Variants in OPCML observed in about 807,000 individuals in gnomAD.
OPCML encodes the protein opioid binding protein/cell adhesion molecule like, also known as opioid-binding protein/cell adhesion molecule.
In OPCML, 13 loss-of-function variants were observed where a neutral mutation model predicts 37.8. The observed-to-expected ratio is 0.34, with a 90% CI of 0.22 to 0.55. The LOEUF is 0.55. OPCML is among the 20% of genes least tolerant of loss of function. The probability of loss-of-function intolerance (pLI) is 0.91; values close to 1 mark genes in which losing one functional copy is unlikely to be tolerated. For synonymous variants in OPCML, 176 were observed against 168.8 expected (o/e 1.04, Z -0.33); for missense variants, 341 against 435.6 (o/e 0.78, Z 1.93).
intron 2 of OPCML, among the ~76,000 whole-genome samples, chr11:132,749,285 T>C (rs1349985475): frequency 6.6e-6 from 1 of 152,232 alleles, no homozygotes; most frequent in African/African-American, 2.4e-5. Context: ...CTATGGCACT[T>C]TCTTACAGTA....
At chr11:132,558,008 CACGGT>C (rs78344958) in intron 3 of OPCML, among the ~76,000 whole-genome samples, 19,548 of 152,008 alleles carry the variant, frequency 0.13, 1,763 homozygotes, top group East Asian at 0.44. Flanking sequence ...CACATACACA[CACGGT>C]GTTACTTAGT....
intron 1 of OPCML, among the ~76,000 whole-genome samples, chr11:133,127,632 CAA>C (rs879535484): frequency 1.0e-4 from 11 of 107,546 alleles, no homozygotes; most frequent in East Asian, 2.6e-4. Context: ...GGCTCTGTCT[CAA>C]AAAAAAAAAA....
chr11:133,530,155 G>A (rs1315152043), intron 1 of OPCML, among the ~76,000 whole-genome samples: 1 of 152,178 alleles, frequency 6.6e-6, no homozygotes, highest in Non-Finnish European at 1.5e-5. Context: ...GGTCAGGCAG[G>A]GGTGCAGGTT....
chr11:133,333,279 A>C (rs1421756921), intron 1 of OPCML, among the ~76,000 whole-genome samples: 1 of 152,046 alleles, frequency 6.6e-6, no homozygotes, highest in Non-Finnish European at 1.5e-5. Flanking sequence ...GGCTGGTCTC[A>C]AACTCCTAAC....
intron 2 of OPCML, among the ~76,000 whole-genome samples, chr11:132,675,523 A>G (rs1942665247): frequency 6.6e-6 from 1 of 152,102 alleles, no homozygotes; most frequent in African/African-American, 2.4e-5. Flanking sequence ...AATATCTTAC[A>G]TATAGAAAAT....
intron 1 of OPCML, among the ~76,000 whole-genome samples, chr11:133,136,486 C>T (rs1949692540): frequency 6.6e-6 from 1 of 152,102 alleles, no homozygotes; most frequent in African/African-American, 2.4e-5. Flanking sequence ...TGTAGCACAC[C>T]AGGAGCAGAA....
At chr11:133,202,110 C>T (rs1433065980) in intron 1 of OPCML, among the ~76,000 whole-genome samples, 1 of 152,128 alleles carries the variant, frequency 6.6e-6, no homozygotes, top group East Asian at 1.9e-4. Flanking sequence ...AAGAAATAGA[C>T]AAAGATCCGG....
intron 2 of OPCML, among the ~76,000 whole-genome samples, chr11:132,665,459 A>G (rs751922862): frequency 2.0e-5 from 3 of 152,204 alleles, no homozygotes; most frequent in Non-Finnish European, 4.4e-5. Context: ...AGAACAGAGT[A>G]TCTGATGCCG....
intron 3 of OPCML, among the ~76,000 whole-genome samples, chr11:132,535,967 T>A (rs1263728187): frequency 2.0e-5 from 3 of 152,144 alleles, no homozygotes; most frequent in East Asian, 3.9e-4. Context: ...AATTTTTTTT[T>A]AATTGCAGAT....
intron 1 of OPCML, among the ~76,000 whole-genome samples, chr11:133,284,320 A>G (rs1942240506): frequency 6.6e-6 from 1 of 152,152 alleles, no homozygotes; most frequent in Non-Finnish European, 1.5e-5. Context: ...GCTCTTACAC[A>G]CAACTCTGTG....
chr11:133,133,874 A>C (rs1208989980), intron 1 of OPCML, among the ~76,000 whole-genome samples: 1 of 152,156 alleles, frequency 6.6e-6, no homozygotes, highest in Non-Finnish European at 1.5e-5. Context: ...GGTTGCAATG[A>C]CTTTACACAT....
At chr11:132,495,253 A>G (rs527625969) in intron 4 of OPCML, among the ~76,000 whole-genome samples, 5 of 152,326 alleles carry the variant, frequency 3.3e-5, no homozygotes, top group Middle Eastern at 3.4e-3. Flanking sequence ...AATAAGAGTG[A>G]CAAGGGCAAT....
chr11:132,920,825 G>A (rs769204367), intron 2 of OPCML, among the ~76,000 whole-genome samples: 7 of 152,172 alleles, frequency 4.6e-5, no homozygotes, highest in African/African-American at 7.2e-5. Flanking sequence ...TTCTGGGCCC[G>A]TGCTGTCATG....
intron 2 of OPCML, among the ~76,000 whole-genome samples, chr11:132,799,987 A>G (rs1183310434): frequency 6.6e-6 from 1 of 152,222 alleles, no homozygotes; most frequent in East Asian, 1.9e-4. Flanking sequence ...TTCAATAAGA[A>G]CTTATTAAAT....
At chr11:133,524,918 A>G (rs1395298026) in intron 1 of OPCML, among the ~76,000 whole-genome samples, 1 of 152,226 alleles carries the variant, frequency 6.6e-6, no homozygotes, top group African/African-American at 2.4e-5. Context: ...GATTGCCTAA[A>G]GTAAGTGAGC....
chr11:132,551,428 C>A (rs1290533033), intron 3 of OPCML, among the ~76,000 whole-genome samples: 1 of 152,172 alleles, frequency 6.6e-6, no homozygotes, highest in African/African-American at 2.4e-5. Context: ...TTTCCCAGGG[C>A]AAATCCCTTT....
chr11:133,253,614 G>C (rs1373969512), intron 1 of OPCML, among the ~76,000 whole-genome samples: 2 of 152,112 alleles, frequency 1.3e-5, no homozygotes, highest in Non-Finnish European at 2.9e-5. Flanking sequence ...TGGCTTGCGA[G>C]TCACATTTTA....
intron 3 of OPCML, among the ~76,000 whole-genome samples, chr11:132,581,660 A>G (rs1023302943): frequency 2.0e-5 from 3 of 152,192 alleles, no homozygotes; most frequent in African/African-American, 7.2e-5. Flanking sequence ...AATGGACTTA[A>G]AAAAGTTCAC....
At chr11:133,231,205 G>A (rs560671249) in intron 1 of OPCML, among the ~76,000 whole-genome samples, 18 of 152,224 alleles carry the variant, frequency 1.2e-4, no homozygotes, top group South Asian at 6.2e-4. Context: ...GAGTAGCTGC[G>A]GATGAAACAT....
Sources: allele counts gnomAD v4.1 joint callset (sites outside exome capture counted in the v4.1 genomes callset), GRCh38; gene constraint gnomAD v4.1.1; transcripts MANE v1.5; gene names NCBI Gene and HGNC (gene_info 2026-07-23, HGNC 2026-07-21).